The following PCDH15 variants were observed in gnomAD, a reference collection of about 807,000 sequenced individuals.
PCDH15 encodes the protein protocadherin related 15, also known as protocadherin-15.
In PCDH15, 129 loss-of-function variants were observed where a neutral mutation model predicts 178.5. The observed-to-expected ratio is 0.72, with a 90% CI of 0.63 to 0.84. The LOEUF (loss-of-function observed/expected upper bound fraction) is 0.84. PCDH15 is among the 40% of genes least tolerant of loss of function. PCDH15 has a pLI of 0.00. For synonymous variants in PCDH15, 800 were observed against 732.0 expected (o/e 1.09, Z -1.50); for missense variants, 2,230 against 2,099.9 (o/e 1.06, Z -1.21).
At chr10:54,358,674 G>A (rs1212593784) in intron 5 of PCDH15, among the ~76,000 whole-genome samples, 1 of 152,062 alleles carries the variant, frequency 6.6e-6, no homozygotes, top group Non-Finnish European at 1.5e-5. Context: ...TATACCCAAA[G>A]GACTAGAAAT....
intron 1 of PCDH15, among the ~76,000 whole-genome samples, chr10:54,711,374 A>G (rs376537322): frequency 6.6e-6 from 1 of 152,082 alleles, no homozygotes; most frequent in East Asian, 1.9e-4. Context: ...CATATATTTA[A>G]TCTGACAAAC....
intron 3 of PCDH15, among the ~76,000 whole-genome samples, chr10:54,847,484 A>G (rs1227728285): frequency 1.3e-5 from 2 of 152,068 alleles, no homozygotes; most frequent in East Asian, 3.9e-4. Flanking sequence ...TTACTCTTCA[A>G]CTACACTCAG....
chr10:54,486,572 C>A (rs1324116771), intron 3 of PCDH15, among the ~76,000 whole-genome samples: 2 of 150,998 alleles, frequency 1.3e-5, no homozygotes, highest in African/African-American at 4.9e-5. Context: ...TTCTTCCTTT[C>A]CCTTCCTTCC....
At chr10:53,987,626 T>C (rs760132789) in intron 21 of PCDH15, among the ~76,000 whole-genome samples, 2 of 152,176 alleles carry the variant, frequency 1.3e-5, no homozygotes, top group African/African-American at 2.4e-5. Flanking sequence ...ATAAATGTCA[T>C]GTCCCCAGAT....
At chr10:53,995,069 A>G (rs2134889351) in intron 21 of PCDH15, 1 of 152,352 alleles carries the variant, frequency 6.6e-6, no homozygotes, top group South Asian at 2.1e-4. Flanking sequence ...GCTTTTTTAT[A>G]TGTATACTAT....
intron 1 of PCDH15, among the ~76,000 whole-genome samples, chr10:55,310,768 AC>A (rs766588456): frequency 7.9e-5 from 12 of 152,192 alleles, no homozygotes; most frequent in Admixed American, 1.3e-4. Context: ...GCAAACTAAC[AC>A]AGGTACAGGA....
intron 3 of PCDH15, among the ~76,000 whole-genome samples, chr10:54,459,017 C>T (rs572753830): frequency 6.6e-6 from 1 of 152,220 alleles, no homozygotes; most frequent in African/African-American, 2.4e-5. Flanking sequence ...CTCCCCATGT[C>T]TGCGTGGGTT....
chr10:55,530,906 T>G (rs2132063266), intron 2 of PCDH15, among the ~76,000 whole-genome samples: 1 of 152,132 alleles, frequency 6.6e-6, no homozygotes, highest in East Asian at 1.9e-4. Flanking sequence ...TGTACAGTTA[T>G]TTTCAACTAT....
chr10:55,274,378 C>T (rs1433362920), intron 1 of PCDH15, among the ~76,000 whole-genome samples: 2 of 152,066 alleles, frequency 1.3e-5, no homozygotes, highest in Non-Finnish European at 2.9e-5. Flanking sequence ...TCTCCCTACA[C>T]ATTTAACTGA....
At chr10:54,352,031 A>G (rs942991586) in intron 5 of PCDH15, among the ~76,000 whole-genome samples, 6 of 152,224 alleles carry the variant, frequency 3.9e-5, no homozygotes, top group African/African-American at 1.4e-4. Context: ...GTACATATAT[A>G]TTTGGTGATT....
In PCDH15 at chr10:54,501,419, G is replaced by C. The variant is rs188508607; in HGVS notation, c.157+26393C>G. On this transcript the variant is annotated intron_variant, in intron 3 of 37. Transcript: ENST00000644397. ...GGCATAAACAGTCTGCAAAACAAGG[G>C]TGTTTTGTTAATTCACAACTTGTAA... Among the ~76,000 whole-genome samples, 5 of 152,156 alleles carry C rather than the reference G, an allele frequency of 3.3e-5. No homozygotes were observed. The East Asian group carries it at 9.7e-4, about 29-fold the overall frequency.
Position 55,393,867 on chromosome 10 carries a change from C to T in PCDH15, c.-155-227216G>A, listed in dbSNP as rs145453048. Among the ~76,000 whole-genome samples the T allele has an allele frequency of 3.7e-3, 568 of 152,194 alleles. 4 individuals carry two copies. Among genetic ancestry groups the T allele is most frequent in the African/African-American group, 0.011 (471 of 41,526 alleles). On this transcript the variant is annotated intron_variant, in intron 2 of 5. Transcript: ENST00000613346. Reference sequence around the variant, plus strand: ...TATAGTTCACATTTTAAAGTAAGAGCCAAATGCCACCTCATTTTAATGTCA... The same window carrying T: ...TATAGTTCACATTTTAAAGTAAGAGTCAAATGCCACCTCATTTTAATGTCA...
intron 2 of PCDH15, among the ~76,000 whole-genome samples, chr10:55,017,508 A>T (rs1840212133): frequency 6.6e-6 from 1 of 152,168 alleles, no homozygotes; most frequent in African/African-American, 2.4e-5. Context: ...TAAAATAATA[A>T]CTGGAAACAT....
chr10:54,625,973 A>T (rs1188315491), intron 2 of PCDH15, among the ~76,000 whole-genome samples: 1 of 152,164 alleles, frequency 6.6e-6, no homozygotes, highest in African/African-American at 2.4e-5. Context: ...TCAGTTGGAG[A>T]TGAGGAACTT....
intron 2 of PCDH15, chr10:55,166,511 G>A (rs962492392): frequency 6.6e-6 from 1 of 152,228 alleles, no homozygotes; most frequent in South Asian, 2.1e-4. Flanking sequence ...AAATATAGAT[G>A]TAATGTATTG....
At chr10:54,573,033 T>C (rs1355343868) in intron 2 of PCDH15, among the ~76,000 whole-genome samples, 1 of 152,126 alleles carries the variant, frequency 6.6e-6, no homozygotes, top group Non-Finnish European at 1.5e-5. Context: ...ACAATGTTTT[T>C]ATATCAATAT....
chr10:54,925,105 C>T (rs1837584032), intron 2 of PCDH15, among the ~76,000 whole-genome samples: 1 of 152,088 alleles, frequency 6.6e-6, no homozygotes, highest in East Asian at 1.9e-4. Flanking sequence ...TTTAATCCAT[C>T]TTGATTTGTT....
chr10:54,880,246 C>CTATGGAGA (rs1954237490), intron 3 of PCDH15, among the ~76,000 whole-genome samples: 2 of 152,102 alleles, frequency 1.3e-5, no homozygotes, highest in Admixed American at 1.3e-4. Context: ...ATCAAAACTC[C>CTATGGAGA]TATGGAGATG....
intron 1 of PCDH15, among the ~76,000 whole-genome samples, chr10:54,771,459 G>T (rs1949082996): frequency 6.6e-6 from 1 of 151,922 alleles, no homozygotes; most frequent in Non-Finnish European, 1.5e-5. Context: ...TCATTTCAAG[G>T]TTATTATCAT....
Sources: allele counts gnomAD v4.1 joint callset (sites outside exome capture counted in the v4.1 genomes callset), GRCh38; gene constraint gnomAD v4.1.1; transcripts MANE v1.5; gene names NCBI Gene and HGNC (gene_info 2026-07-23, HGNC 2026-07-21).